Variants in ASPH observed in about 807,000 individuals in gnomAD.
ASPH encodes the protein aspartyl/asparaginyl beta-hydroxylase.
A neutral mutation model predicts 118.4 loss-of-function variants in ASPH; 100 were observed. That is an observed-to-expected ratio of 0.84 (90% CI 0.72 to 1.00). The LOEUF (loss-of-function observed/expected upper bound fraction) is 1.00, where lower values mean the gene tolerates loss of function less well. Ranked by LOEUF, ASPH falls within the 50% of genes least tolerant of loss-of-function variation. The pLI is 0.00. For synonymous variants in ASPH, 315 were observed against 325.6 expected (o/e 0.97, Z 0.35); for missense variants, 920 against 919.5 (o/e 1.00, Z -0.01).
chr8:61,542,209 T>A (rs897993085), intron 21 of ASPH, among the ~76,000 whole-genome samples: 7 of 152,236 alleles, frequency 4.6e-5, no homozygotes, highest in African/African-American at 9.6e-5. Context: ...CAGTATTTCA[T>A]GTCCTTACAT....
chr8:61,500,947 T>G lies in ASPH; in HGVS notation c.*2412A>C, dbSNP rs1334280205. The G allele has an allele frequency of 1.3e-5, 2 of 152,184 alleles. No individual in the cohort carries two copies. Among genetic ancestry groups the G allele is most frequent in the South Asian group, 2.1e-4 (1 of 4,834 alleles). The allele number at this position is 152,184 out of a possible 1,614,324, so 9.4% of individuals were successfully genotyped here. On this transcript the variant is annotated 3_prime_UTR_variant, in exon 25 of 25. Coordinates refer to ENST00000379454, the MANE Select transcript of ASPH (RefSeq NM_004318.4). The stretch of plus-strand genomic sequence containing the variant: ...CTAATCTTAATTATTTATTACATCA[T>G]CTCTTTCTCAATGGATCTAATGTTT...
At chr8:61,564,788 C>G (rs75567001) in intron 17 of ASPH, among the ~76,000 whole-genome samples, 8 of 152,316 alleles carry the variant, frequency 5.3e-5, no homozygotes, top group African/African-American at 1.9e-4. Flanking sequence ...TTTTATTTAT[C>G]TACAAAAGTG....
intron 18 of ASPH, among the ~76,000 whole-genome samples, chr8:61,559,005 T>C (rs1828868234): frequency 3.3e-5 from 5 of 152,186 alleles, no homozygotes; most frequent in Admixed American, 3.3e-4. Context: ...AAATATATTT[T>C]CTCTTCCTTA....
At chr8:61,706,457 G>GGAGGAAGAGGAA (rs986554116) in intron 1 of ASPH, among the ~76,000 whole-genome samples, 135 of 126,802 alleles carry the variant, frequency 1.1e-3, no homozygotes, top group African/African-American at 3.9e-3. Context: ...AGAAGAAGAA[G>GGAGGAAGAGGAA]GAGGAAGAGG....
intron 1 of ASPH, among the ~76,000 whole-genome samples, chr8:61,706,129 A>G (rs189652160): frequency 7.4e-4 from 112 of 152,314 alleles, no homozygotes; most frequent in African/African-American, 2.5e-3. Context: ...ACTTAAATAC[A>G]TAAGAAATTA....
At chr8:61,614,227 A>G (rs1848324484) in intron 14 of ASPH, among the ~76,000 whole-genome samples, 1 of 152,238 alleles carries the variant, frequency 6.6e-6, no homozygotes, top group Non-Finnish European at 1.5e-5. Flanking sequence ...TGAATAATTT[A>G]ATAAGATATT....
intron 14 of ASPH, among the ~76,000 whole-genome samples, chr8:61,586,644 C>G (rs910247232): frequency 6.6e-6 from 1 of 152,238 alleles, no homozygotes; most frequent in African/African-American, 2.4e-5. Flanking sequence ...TTTAACTACA[C>G]GGAGAAGACC....
chr8:61,608,623 C>A (rs1846318764), intron 14 of ASPH, among the ~76,000 whole-genome samples: 1 of 152,148 alleles, frequency 6.6e-6, no homozygotes. Context: ...AAAATGATTT[C>A]TGAATCAGGT....
intron 14 of ASPH, among the ~76,000 whole-genome samples, chr8:61,607,699 AG>A (rs925878359): frequency 1.4e-4 from 21 of 152,302 alleles, no homozygotes; most frequent in African/African-American, 5.1e-4. Context: ...GGAAATGCTG[AG>A]TACCTTCTGA....
chr8:61,603,052 G>T (rs1365625931), intron 14 of ASPH, among the ~76,000 whole-genome samples: 1 of 151,786 alleles, frequency 6.6e-6, no homozygotes, highest in African/African-American at 2.4e-5. Context: ...AATTAGCCAG[G>T]TATGGTGGTC....
In ASPH at chr8:61,653,629, T is replaced by C. The variant is rs1453671931; in HGVS notation, c.354A>G (p.Ala118=). The part of the protein sequence containing the change: ...GLKERSTSEP[A]VPPEEAEPHT... Reference sequence around the variant, plus strand: ...GTGGCTCAGCCTCTTCTGGCGGGACTGCTGGCTCTGAAGTAGATCTCTCTT... The same window carrying C: ...GTGGCTCAGCCTCTTCTGGCGGGACCGCTGGCTCTGAAGTAGATCTCTCTT... The change falls in exon 4 of 25, where the codon GCA becomes GCG. Residue 118 remains alanine (A), a synonymous_variant. Transcript: ENST00000379454. The C allele has an allele frequency of 3.7e-6, 6 of 1,613,980 alleles. No individual in the cohort carries two copies. Among genetic ancestry groups the C allele is most frequent in the Admixed American group, 1.7e-5 (1 of 60,010 alleles).
At chr8:61,646,712 T>C in intron 6 of ASPH, 38 bp downstream of exon 6, 1 of 1,581,170 alleles carries the variant, frequency 6.3e-7, no homozygotes. Flanking sequence ...AGTCATTGAT[T>C]ATATTTTATC....
At chr8:61,711,417 A>T (rs1376830887) in intron 1 of ASPH, among the ~76,000 whole-genome samples, 1 of 152,192 alleles carries the variant, frequency 6.6e-6, no homozygotes, top group Non-Finnish European at 1.5e-5. Flanking sequence ...CCAGTTCTAT[A>T]TGCAAAATAA....
intron 19 of ASPH, among the ~76,000 whole-genome samples, chr8:61,554,433 G>A (rs1221458414): frequency 2.0e-5 from 3 of 152,282 alleles, no homozygotes; most frequent in African/African-American, 7.2e-5. Context: ...TCTGATTTAA[G>A]TCATGTGAAA....
intron 21 of ASPH, among the ~76,000 whole-genome samples, chr8:61,536,230 G>T (rs1411526836): frequency 1.3e-5 from 2 of 151,516 alleles, no homozygotes; most frequent in Non-Finnish European, 2.9e-5. Context: ...TAGTAGAGAT[G>T]GGGTTTCACC....
At chr8:61,655,181 C>A (rs1359138672) in intron 3 of ASPH, among the ~76,000 whole-genome samples, 2 of 152,180 alleles carry the variant, frequency 1.3e-5, no homozygotes, top group Admixed American at 6.5e-5. Context: ...TGAATACACC[C>A]AGTGGTGTGA....
rs202195429 is a variant in ASPH, at chr8:61,514,335, A to G, written c.2126+3193T>C. ...AGATTTTTTTTTTTTTTAATTTTAG[A>G]CAGGGTCTTGCTGTCACCCAGGCTG... On this transcript the variant is annotated intron_variant, in intron 24 of 24. Coordinates refer to ENST00000379454, the MANE Select transcript of ASPH (RefSeq NM_004318.4). Among the ~76,000 whole-genome samples the G allele has an allele frequency of 1.1e-4, 17 of 148,008 alleles. No homozygotes were observed. The East Asian group carries it at 3.0e-3, about 26-fold the overall frequency.
chr8:61,567,452 C>G, intron 16 of ASPH, 134 bp from the exon 17 acceptor site: 1 of 938,384 alleles, frequency 1.1e-6, no homozygotes, highest in South Asian at 2.2e-5. Context: ...TTCTCCTTAT[C>G]AAGAGATAAA....
At chr8:61,608,595 G>A (rs768673390) in intron 14 of ASPH, among the ~76,000 whole-genome samples, 6 of 151,856 alleles carry the variant, frequency 4.0e-5, no homozygotes, top group South Asian at 2.1e-4. Flanking sequence ...CCTTCAAATC[G>A]GATTCAAATA....
Sources: allele counts gnomAD v4.1 joint callset (sites outside exome capture counted in the v4.1 genomes callset), GRCh38; gene constraint gnomAD v4.1.1; transcripts MANE v1.5; gene names NCBI Gene and HGNC (gene_info 2026-07-23, HGNC 2026-07-21).